Variants in BRPF3 observed in about 807,000 individuals in gnomAD.
BRPF3 encodes the protein bromodomain and PHD finger-containing protein 3.
Under a neutral mutation model 102.0 loss-of-function variants are expected in BRPF3, and 18 were observed. The ratio of observed to expected loss-of-function variants is 0.18; its 90% confidence interval spans 0.12 to 0.26. BRPF3 has a LOEUF of 0.26. Among genes scored for constraint, BRPF3 ranks in the 10% least tolerant of loss-of-function variants. The pLI, the probability that BRPF3 is intolerant of heterozygous loss-of-function variation, is 1.00. For synonymous variants in BRPF3, 570 were observed against 614.2 expected (o/e 0.93, Z 1.06); for missense variants, 1,147 against 1,567.8 (o/e 0.73, Z 4.53).
chr6:36,213,997 C>T lies in BRPF3; in HGVS notation c.2600C>T (p.Pro867Leu), dbSNP rs771545499. 1.1e-5 allele frequency: 17 copies of T among 1,613,968 alleles called. No homozygotes were observed. Among genetic ancestry groups the T allele is most frequent in the East Asian group, 4.5e-5 (2 of 44,884 alleles). ...PTLKPINDSK[P>L]PSRFLKPRKV... ...CTGAAACCCATTAATGATAGCAAAC[C>T]TCCAAGCAGGTTCCTAAAGCCCAGA... The change falls in exon 8 of 13, where the codon CCT (proline) becomes CTT (leucine). Residue 867 changes from proline to leucine, a missense_variant. This residue lies in a region of BRPF3 where 379 missense variants were observed against 426.3 expected (regional missense o/e 0.89). Coordinates refer to ENST00000357641, the MANE Select transcript of BRPF3 (RefSeq NM_015695.3).
Position 36,230,808 on chromosome 6 carries a change from A to G in BRPF3, c.*199A>G, listed in dbSNP as rs1768915635. Reference sequence around the variant, plus strand: ...CTCCTGGCAGGCCTGCTGTGTGCCAAAAACTCCCACCCAAGGTCCCTCAGG... The same window carrying G: ...CTCCTGGCAGGCCTGCTGTGTGCCAGAAACTCCCACCCAAGGTCCCTCAGG... On this transcript the variant is annotated 3_prime_UTR_variant, in exon 13 of 13. Transcript: ENST00000357641. This position sits in a 1 kb window ranked among gnomAD's most constrained non-coding sequence, Gnocchi z 5.4. 1.6e-6 allele frequency: 1 copy of G among 618,826 alleles called. No homozygotes were observed. Among genetic ancestry groups the G allele is most frequent in the Non-Finnish European group, 2.7e-6 (1 of 366,922 alleles). The allele number at this position is 618,826 out of a possible 1,614,324, so 38.3% of individuals were successfully genotyped here.
chr6:36,229,660 T>G (rs2127298975), intron 12 of BRPF3, among the ~76,000 whole-genome samples: 1 of 152,288 alleles, frequency 6.6e-6, no homozygotes, highest in East Asian at 1.9e-4. Context: ...ACACTTAAGG[T>G]TTCTCTTAGC....
rs375963724 is a variant in BRPF3 at position 36,202,122 on chromosome 6, T to C, written c.1448+352T>C. The stretch of plus-strand genomic sequence containing the variant: ...TACATTTCTAGATGTTTAGTATCCC[T>C]GGTCTTTGTAAATGCCAGTCGCATC... On this transcript the variant is annotated intron_variant, in intron 2 of 12. Coordinates refer to ENST00000357641, the MANE Select transcript of BRPF3 (RefSeq NM_015695.3). 3.9e-5 allele frequency among the ~76,000 whole-genome samples: 6 copies of C among 152,342 alleles called. No homozygotes were observed. The East Asian group carries it at 9.6e-4, about 24-fold the overall frequency.
At chr6:36,204,449 G>A in intron 2 of BRPF3, 1 of 598,900 alleles carries the variant, frequency 1.7e-6, no homozygotes, top group African/African-American at 1.9e-5. Flanking sequence ...GGCAAGAGGT[G>A]GAAAAGCAAA....
chr6:36,201,734 T>A lies in BRPF3; in HGVS notation c.1412T>A (p.Leu471His), dbSNP rs1206142336. The A allele has an allele frequency of 6.2e-7, 1 of 1,611,434 alleles. No individual in the cohort carries two copies. The highest frequency in any genetic ancestry group is 2.2e-5 in the East Asian group (1 of 44,884). Residue 471 changes from leucine to histidine, a missense_variant, in exon 2 of 13, where the codon CTC becomes CAC. Physicochemically the swap from Leu to His is moderately conservative, Grantham distance 99. This residue lies in a region of BRPF3 where 157 missense variants were observed against 163.6 expected (regional missense o/e 0.96). Transcript: ENST00000357641. This position sits in a 1 kb window ranked among gnomAD's most constrained non-coding sequence, Gnocchi z 5.1. ...GCAGGCCAAGACACACCCTCCACTC[T>A]CCCCATGCTTGCTGTCCCACAGATA... ...EEAGQDTPST[L>H]PMLAVPQIPS...
intron 11 of BRPF3, among the ~76,000 whole-genome samples, chr6:36,226,658 T>A (rs1221280791): frequency 6.6e-6 from 1 of 152,228 alleles, no homozygotes; most frequent in Non-Finnish European, 1.5e-5. Context: ...TATCTGCAAC[T>A]TTTAACAGCA....
intron 2 of BRPF3, among the ~76,000 whole-genome samples, chr6:36,202,094 C>T (rs1467664672): frequency 6.6e-6 from 1 of 152,112 alleles, no homozygotes; most frequent in African/African-American, 2.4e-5. Context: ...TAGAAGTGTC[C>T]TGTACATTTC....
chr6:36,227,113 A>G (rs1768767822), intron 11 of BRPF3, among the ~76,000 whole-genome samples: 1 of 152,188 alleles, frequency 6.6e-6, no homozygotes, highest in Non-Finnish European at 1.5e-5. Context: ...ATTTTGGTGT[A>G]TGCTCTCCTA....
At position 36,225,319 on chromosome 6, in the gene BRPF3, G is replaced by T; in HGVS notation, c.3234G>T (p.Glu1078Asp). ...FEDRGDLEPL[E>D]LVWAKCRGYP... ...ACCGCGGAGACCTGGAGCCCTTGGA[G>T]CTGGTGTGGGCCAAGTGCCGAGGCT... The change falls in exon 11 of 13, where the codon GAG (glutamate) becomes GAT (aspartate). Residue 1078 changes from glutamate to aspartate, a missense_variant. Physicochemically the swap from Glu to Asp is conservative, Grantham distance 45. Transcript: ENST00000357641. 2 of 1,610,884 alleles carry T rather than the reference G, an allele frequency of 1.2e-6. No individual in the cohort carries two copies. The highest frequency in any genetic ancestry group is 1.7e-6 in the Non-Finnish European group (2 of 1,180,020).
chr6:36,219,742 C>G (rs970408047), intron 9 of BRPF3, among the ~76,000 whole-genome samples: 5 of 152,276 alleles, frequency 3.3e-5, no homozygotes, highest in Admixed American at 6.5e-5. Flanking sequence ...GGTTGTTTTT[C>G]TTTTTCCCCC....
Position 36,201,438 on chromosome 6 carries a change from C to T in BRPF3, c.1116C>T (p.Gly372=). The part of the protein sequence containing the change: ...IEPMRETSLN[G]TIFTVRKTAY... ...CCATGCGCGAAACCAGCCTCAATGG[C>T]ACCATCTTTACAGTGCGCAAGACTG... The change falls in exon 2 of 13, where the codon GGC becomes GGT. Residue 372 remains glycine, a synonymous_variant. Transcript: ENST00000357641. The surrounding 1 kb of genome is among the most constrained non-coding windows in gnomAD (Gnocchi z 5.1). The T allele has an allele frequency of 6.2e-7, 1 of 1,614,196 alleles. No individual in the cohort carries two copies.
At chr6:36,213,714 A>G (rs937619774) in intron 7 of BRPF3, 166 bp from the exon 8 acceptor site, 13 of 789,672 alleles carry the variant, frequency 1.6e-5, no homozygotes, top group Non-Finnish European at 2.0e-5. Context: ...GAAAAAAAAA[A>G]AAAACCTAAT....
At chr6:36,209,680 T>G in intron 4 of BRPF3, 107 bp from the exon 5 acceptor site, 1 of 1,425,272 alleles carries the variant, frequency 7.0e-7, no homozygotes, top group Non-Finnish European at 9.5e-7. Context: ...TAATATTCTA[T>G]GAAAATTTGT....
In BRPF3 at chr6:36,232,560, CG is replaced by C. The variant is rs1483449124; in HGVS notation, c.*1955del. On this transcript the variant is annotated 3_prime_UTR_variant, in exon 13 of 13. Coordinates refer to ENST00000357641, the MANE Select transcript of BRPF3 (RefSeq NM_015695.3). Reference sequence around the variant, plus strand: ...AAACGGCTCAGATCCTGCTGTGGCACGGGGCCTATGTGTCTCTGTCGCGTCT... The same window carrying C: ...AAACGGCTCAGATCCTGCTGTGGCACGGGCCTATGTGTCTCTGTCGCGTCT... The C allele has an allele frequency of 6.6e-6, 1 of 152,652 alleles. No homozygotes were observed. Among genetic ancestry groups the C allele is most frequent in the Non-Finnish European group, 1.5e-5 (1 of 68,054 alleles). 9.5% of individuals were successfully genotyped at this position (152,652 alleles called of 1,614,324 possible). A position where few individuals can be genotyped will look rare whatever the true frequency, so the allele number is the denominator to read the frequency against.
Position 36,231,375 on chromosome 6 carries a change from C to G in BRPF3, c.*766C>G, listed in dbSNP as rs970312318. The G allele has an allele frequency of 6.6e-6, 1 of 152,382 alleles. No homozygotes were observed. The highest frequency in any genetic ancestry group is 1.5e-5 in the Non-Finnish European group (1 of 68,110). 9.4% of individuals were successfully genotyped at this position (152,382 alleles called of 1,614,324 possible). On this transcript the variant is annotated 3_prime_UTR_variant, in exon 13 of 13. Coordinates refer to ENST00000357641, the MANE Select transcript of BRPF3 (RefSeq NM_015695.3). ...TAGCTGTTGACACAACTTCCCAGCT[C>G]TGCAAGTGTGCCCCCTGGATCAAGG...
intron 3 of BRPF3, 144 bp from the exon 4 acceptor site, chr6:36,207,169 G>A (rs1370552536): frequency 2.1e-6 from 2 of 974,240 alleles, no homozygotes; most frequent in East Asian, 2.5e-5. Context: ...AAGGCATGGG[G>A]TAGAGAGGGG....
chr6:36,228,140 T>C (rs1329268348), intron 11 of BRPF3, among the ~76,000 whole-genome samples: 2 of 152,210 alleles, frequency 1.3e-5, no homozygotes, highest in South Asian at 4.1e-4. Context: ...GGTGTTTTCC[T>C]CTTGTCAGCT....
rs1396043473 is a variant in BRPF3 at position 36,222,279 on chromosome 6, T to A, written c.3181+14T>A. 1 of 1,549,022 alleles carries A rather than the reference T, an allele frequency of 6.5e-7. No individual in the cohort carries two copies. Among genetic ancestry groups the A allele is most frequent in the Non-Finnish European group, 8.7e-7 (1 of 1,146,472 alleles). On this transcript the variant is annotated intron_variant, in intron 10 of 12. Coordinates refer to ENST00000357641, the MANE Select transcript of BRPF3 (RefSeq NM_015695.3). Reference sequence around the variant, plus strand: ...ACAATGGCTCAGGTGAGGAGCAGTGTTCAGGCAGAACTGAGGGGGCCAGGC... The same window carrying A: ...ACAATGGCTCAGGTGAGGAGCAGTGATCAGGCAGAACTGAGGGGGCCAGGC...
chr6:36,213,957 C>G lies in BRPF3; in HGVS notation c.2560C>G (p.Pro854Ala). Reference sequence around the variant, plus strand: ...TTCCTTGTCTGAGCAAGAATCCCCCCCGGAGCCCCCTACTCTGAAACCCAT... The same window carrying G: ...TTCCTTGTCTGAGCAAGAATCCCCCGCGGAGCCCCCTACTCTGAAACCCAT... ...APSLSEQESP[P>A]EPPTLKPIND... Residue 854 changes from proline to alanine, a missense_variant, in exon 8 of 13, where the codon CCG becomes GCG. This residue lies in a region of BRPF3 where 379 missense variants were observed against 426.3 expected (regional missense o/e 0.89). Transcript: ENST00000357641. 6.2e-7 allele frequency: 1 copy of G among 1,614,098 alleles called. No individual in the cohort carries two copies. Among genetic ancestry groups the G allele is most frequent in the South Asian group, 1.1e-5 (1 of 91,076 alleles).
Sources: allele counts gnomAD v4.1 joint callset (sites outside exome capture counted in the v4.1 genomes callset), GRCh38; gene constraint gnomAD v4.1.1; regional missense constraint gnomAD v4.1.1; non-coding constraint Gnocchi (gnomAD v3.1); transcripts MANE v1.5; gene names NCBI Gene and HGNC (gene_info 2026-07-23, HGNC 2026-07-21).